Variants in PGCKA1 observed in about 807,000 individuals in gnomAD.
PGCKA1 encodes PDCD10 and GCKIII kinases associated 1.
the PGCKA1 span, among the ~76,000 whole-genome samples, chr4:37,539,379 G>C: frequency 3.4e-4 from 52 of 152,106 alleles, no homozygotes; most frequent in Non-Finnish European, 6.3e-4. Flanking sequence ...TGTGGCAGCC[G>C]GGCGCGGTGG....
chr4:37,465,298 C>T, the PGCKA1 span, among the ~76,000 whole-genome samples: 5 of 151,264 alleles, frequency 3.3e-5, no homozygotes, highest in Non-Finnish European at 5.9e-5. Flanking sequence ...CAAGCATCTG[C>T]GGAGGTCAAG....
At chr4:37,466,706 G>A in the PGCKA1 span, among the ~76,000 whole-genome samples, 1 of 152,198 alleles carries the variant, frequency 6.6e-6, no homozygotes, top group African/African-American at 2.4e-5. Context: ...GAAATGGGAA[G>A]TGAGGGAAGA....
chr4:37,494,556 T>C, the PGCKA1 span, among the ~76,000 whole-genome samples: 1 of 152,236 alleles, frequency 6.6e-6, no homozygotes, highest in Non-Finnish European at 1.5e-5. Context: ...TCCATGTCTT[T>C]GCTATTATGA....
chr4:37,513,456 A>G, the PGCKA1 span, among the ~76,000 whole-genome samples: 2 of 152,336 alleles, frequency 1.3e-5, no homozygotes, highest in Admixed American at 6.5e-5. Context: ...GGCATATTCT[A>G]CTATGTCTTC....
At chr4:37,589,535 T>C in the PGCKA1 span, among the ~76,000 whole-genome samples, 1 of 152,210 alleles carries the variant, frequency 6.6e-6, no homozygotes, top group Non-Finnish European at 1.5e-5. Flanking sequence ...GTTTTATTTG[T>C]TTTTTATTTT....
the PGCKA1 span, among the ~76,000 whole-genome samples, chr4:37,527,996 A>G: frequency 6.6e-6 from 1 of 152,190 alleles, no homozygotes; most frequent in Non-Finnish European, 1.5e-5. Flanking sequence ...TCACACGACA[A>G]AATCACCTAA....
the PGCKA1 span, among the ~76,000 whole-genome samples, chr4:37,524,639 A>G: frequency 2.6e-5 from 4 of 152,218 alleles, no homozygotes; most frequent in Admixed American, 1.3e-4. Context: ...ATCTGATACT[A>G]GAGGACAGGA....
At chr4:37,482,974 A>C in the PGCKA1 span, among the ~76,000 whole-genome samples, 1 of 151,960 alleles carries the variant, frequency 6.6e-6, no homozygotes, top group Non-Finnish European at 1.5e-5. Context: ...CCAGGGGAAG[A>C]ATGATATGGT....
the PGCKA1 span, among the ~76,000 whole-genome samples, chr4:37,545,145 C>G: frequency 1.3e-5 from 2 of 152,114 alleles, no homozygotes; most frequent in Non-Finnish European, 2.9e-5. Flanking sequence ...CCTGAGCCAC[C>G]GCGCCTGGCC....
chr4:37,515,545 A>G, the PGCKA1 span, among the ~76,000 whole-genome samples: 266 of 152,336 alleles, frequency 1.7e-3, no homozygotes, highest in Middle Eastern at 3.4e-3. Flanking sequence ...ACCTTGTACC[A>G]TACTACACTA....
At chr4:37,571,092 G>A in the PGCKA1 span, among the ~76,000 whole-genome samples, 6 of 152,294 alleles carry the variant, frequency 3.9e-5, no homozygotes, top group South Asian at 1.0e-3. Flanking sequence ...ATACAAGCTA[G>A]ATGCTGGTTG....
the PGCKA1 span, among the ~76,000 whole-genome samples, chr4:37,484,378 C>T: frequency 2.2e-4 from 34 of 152,276 alleles, no homozygotes; most frequent in African/African-American, 7.2e-4. Context: ...TTCACTACCA[C>T]GAGAACAGTA....
At chr4:37,533,861 T>G in the PGCKA1 span, among the ~76,000 whole-genome samples, 1 of 152,244 alleles carries the variant, frequency 6.6e-6, no homozygotes, top group South Asian at 2.1e-4. Context: ...TGGTGGGAAA[T>G]GCTTACAGTG....
the PGCKA1 span, among the ~76,000 whole-genome samples, chr4:37,491,262 G>A: frequency 1.3e-4 from 20 of 152,048 alleles, no homozygotes; most frequent in African/African-American, 4.1e-4. Context: ...GAAGATGATG[G>A]CTTAGCTCTT....
the PGCKA1 span, among the ~76,000 whole-genome samples, chr4:37,547,372 T>C: frequency 6.6e-6 from 1 of 152,234 alleles, no homozygotes; most frequent in African/African-American, 2.4e-5. Context: ...CCTTTTTAAG[T>C]GTTTTTTGTT....
chr4:37,464,677 A>G, the PGCKA1 span, among the ~76,000 whole-genome samples: 1 of 152,344 alleles, frequency 6.6e-6, no homozygotes, highest in South Asian at 2.1e-4. Flanking sequence ...AATAGCAGGA[A>G]GCTTTCAAGC....
At chr4:37,588,685 G>A in the PGCKA1 span, 4 of 569,970 alleles carry the variant, frequency 7.0e-6, no homozygotes, top group East Asian at 2.8e-5. Flanking sequence ...GGGTATTCCT[G>A]GTAACCAGCA....
the PGCKA1 span, among the ~76,000 whole-genome samples, chr4:37,508,173 T>C: frequency 6.6e-6 from 1 of 152,180 alleles, no homozygotes; most frequent in African/African-American, 2.4e-5. Flanking sequence ...AGTTTGGTTA[T>C]TAAATGCCTT....
the PGCKA1 span, among the ~76,000 whole-genome samples, chr4:37,530,947 T>G: frequency 2.0e-3 from 305 of 152,126 alleles, no homozygotes; most frequent in African/African-American, 7.0e-3. Flanking sequence ...AGAGTGCCAC[T>G]GCACTCCAGC....
Sources: gnomAD v4.1 joint callset for allele counts (sites outside exome capture counted in the v4.1 genomes callset) on GRCh38, gnomAD v4.1.1 for gene constraint, MANE v1.5 for transcripts, NCBI Gene and HGNC (gene_info 2026-07-23, HGNC 2026-07-21) for gene names.